The following ZNF503 variants were observed in gnomAD, a reference collection of about 807,000 sequenced individuals.
ZNF503 encodes the protein NocA-like zinc finger 2.
In ZNF503, 15 loss-of-function variants were observed where a neutral mutation model predicts 34.4. The observed-to-expected ratio is 0.44, with a 90% confidence interval of 0.29 to 0.67. The LOEUF (loss-of-function observed/expected upper bound fraction) is 0.67. Ranked by LOEUF, ZNF503 falls within the 30% of genes least tolerant of loss-of-function variation. ZNF503 has a pLI of 0.13. For missense variants in ZNF503, 1,007 were observed against 926.8 expected (o/e 1.09, Z -1.12); for synonymous variants, 580 against 456.8 (o/e 1.27, Z -3.44).
At chr10:75,342,268 G>A in the ZNF503 span, among the ~76,000 whole-genome samples, 8 of 152,232 alleles carry the variant, frequency 5.3e-5, no homozygotes, top group East Asian at 1.5e-3. Flanking sequence ...AGACAGACGC[G>A]GTCACACACG....
At position 75,401,420 on chromosome 10, in the gene ZNF503, G is replaced by A. The variant is rs1368648176; in HGVS notation, c.-1C>T. 1.3e-6 allele frequency: 2 copies of A among 1,535,578 alleles called. No homozygotes were observed. The highest frequency in any genetic ancestry group is 2.3e-4 in the Middle Eastern group (1 of 4,408). Reference sequence around the variant, plus strand: ...CAGAAAGCGAGGGCGCTGTGCTCATGACCCACCCGCGCGCATGGGAGCAGC... The same window carrying A: ...CAGAAAGCGAGGGCGCTGTGCTCATAACCCACCCGCGCGCATGGGAGCAGC... On this transcript the variant is annotated 5_prime_UTR_variant, in exon 1 of 2. Transcript: ENST00000372524.
the ZNF503 span, among the ~76,000 whole-genome samples, chr10:75,294,065 C>G: frequency 6.6e-6 from 1 of 152,190 alleles, no homozygotes. Context: ...AAAAACACAG[C>G]CCAAACCAAG....
chr10:75,291,457 G>GA, the ZNF503 span, among the ~76,000 whole-genome samples: 1 of 151,918 alleles, frequency 6.6e-6, no homozygotes, highest in Non-Finnish European at 1.5e-5. Context: ...ACTAAAAACA[G>GA]AAAAATTAGC....
the ZNF503 span, among the ~76,000 whole-genome samples, chr10:75,309,097 G>A: frequency 1.3e-5 from 2 of 152,144 alleles, no homozygotes; most frequent in Admixed American, 1.3e-4. Flanking sequence ...GCCTGCCTCA[G>A]CCGCTCAGTG....
chr10:75,373,926 A>C, the ZNF503 span, among the ~76,000 whole-genome samples: 29 of 152,312 alleles, frequency 1.9e-4, no homozygotes, highest in African/African-American at 7.0e-4. Context: ...CCAGCAGCAG[A>C]AGGGCCAACT....
the ZNF503 span, among the ~76,000 whole-genome samples, chr10:75,315,346 T>C: frequency 6.6e-6 from 1 of 152,118 alleles, no homozygotes; most frequent in Non-Finnish European, 1.5e-5. Context: ...AGTGATAGAG[T>C]GAGACCCTGT....
chr10:75,313,225 G>A, the ZNF503 span, among the ~76,000 whole-genome samples: 1 of 152,132 alleles, frequency 6.6e-6, no homozygotes, highest in African/African-American at 2.4e-5. Context: ...TTTGCAATTT[G>A]TCTCCATCCA....
At chr10:75,324,934 A>G in the ZNF503 span, among the ~76,000 whole-genome samples, 2 of 152,180 alleles carry the variant, frequency 1.3e-5, no homozygotes, top group Non-Finnish European at 2.9e-5. Context: ...TCAGTACTTC[A>G]TGACTTTTTA....
At chr10:75,397,186 C>T (rs550708330), downstream of ZNF503, among the ~76,000 whole-genome samples, 7 of 142,154 alleles carry the variant, frequency 4.9e-5, no homozygotes, top group Middle Eastern at 3.5e-3. Context: ...CCCCGGGTCC[C>T]GACTCTGGAG....
the ZNF503 span, among the ~76,000 whole-genome samples, chr10:75,334,192 C>G: frequency 6.6e-6 from 1 of 151,680 alleles, no homozygotes; most frequent in African/African-American, 2.4e-5. Flanking sequence ...CAGGCGGCTG[C>G]TCCTTGCCCT....
chr10:75,386,323 C>T, the ZNF503 span, among the ~76,000 whole-genome samples: 1 of 152,178 alleles, frequency 6.6e-6, no homozygotes, highest in Non-Finnish European at 1.5e-5. Flanking sequence ...AGAATCTGGG[C>T]CCCTGAATGA....
the ZNF503 span, among the ~76,000 whole-genome samples, chr10:75,353,797 C>G: frequency 6.6e-6 from 1 of 152,150 alleles, no homozygotes; most frequent in East Asian, 1.9e-4. Flanking sequence ...CCCTTGCTAC[C>G]CCATAAGCTC....
chr10:75,399,933 C>T lies in ZNF503; in HGVS notation c.757G>A (p.Asp253Asn), dbSNP rs1843762299. ...SSAGGAPEGK[D>N]DKKDTDVGGG... is the part of the protein sequence containing the mutation. ...CCCACGTCGGTGTCTTTCTTGTCGT[C>T]CTTGCCCTCCGGGGCACCCCCGGCC... The change falls in exon 2 of 2, where the codon GAC (aspartate) becomes AAC (asparagine). Residue 253 changes from aspartate to asparagine, a missense_variant. Physicochemically the swap from Asp to Asn is conservative, Grantham distance 23. Coordinates refer to ENST00000372524, the MANE Select transcript of ZNF503 (RefSeq NM_032772.6). The T allele has an allele frequency of 6.2e-7, 1 of 1,606,488 alleles. No homozygotes were observed. Among genetic ancestry groups the T allele is most frequent in the African/African-American group, 1.3e-5 (1 of 74,848 alleles).
In ZNF503 at chr10:75,401,547, G is replaced by A; in HGVS notation, c.-128C>T. The A allele has an allele frequency of 1.8e-6, 2 of 1,132,944 alleles. No homozygotes were observed. The highest frequency in any genetic ancestry group is 2.8e-5 in the South Asian group (2 of 70,400). 70.2% of individuals were successfully genotyped at this position (1,132,944 alleles called of 1,614,324 possible). On this transcript the variant is annotated 5_prime_UTR_variant, in exon 1 of 2. Coordinates refer to ENST00000372524, the MANE Select transcript of ZNF503 (RefSeq NM_032772.6). ...GGAGGAGCTGGCGCGGCGGCCACGG[G>A]CGCCCAGCGCGCCTTCTCGGCGCCT...
chr10:75,282,309 C>G, the ZNF503 span, among the ~76,000 whole-genome samples: 7 of 152,296 alleles, frequency 4.6e-5, no homozygotes, highest in South Asian at 1.4e-3. Context: ...AAAGACAAAG[C>G]CTTGGCTGGG....
chr10:75,370,226 T>G, the ZNF503 span, among the ~76,000 whole-genome samples: 1 of 152,292 alleles, frequency 6.6e-6, no homozygotes, highest in African/African-American at 2.4e-5. Context: ...AAGCTAATAC[T>G]GTTAAGTTGA....
At chr10:75,342,680 G>T in the ZNF503 span, among the ~76,000 whole-genome samples, 1 of 150,288 alleles carries the variant, frequency 6.7e-6, no homozygotes, top group African/African-American at 2.4e-5. Flanking sequence ...GGGGGAGGGG[G>T]CTTGTGGGTG....
At chr10:75,310,808 A>C in the ZNF503 span, among the ~76,000 whole-genome samples, 88 of 152,274 alleles carry the variant, frequency 5.8e-4, no homozygotes, top group African/African-American at 2.0e-3. Context: ...ACCTAGCAAT[A>C]ATGACATGGT....
At chr10:75,285,294 C>G in the ZNF503 span, among the ~76,000 whole-genome samples, 2 of 152,162 alleles carry the variant, frequency 1.3e-5, no homozygotes, top group Non-Finnish European at 2.9e-5. Context: ...GAAATTGAAC[C>G]CATACCATCT....
Sources: gnomAD v4.1 joint callset for allele counts (sites outside exome capture counted in the v4.1 genomes callset) on GRCh38, gnomAD v4.1.1 for gene constraint, MANE v1.5 for transcripts, NCBI Gene and HGNC (gene_info 2026-07-23, HGNC 2026-07-21) for gene names.